DPYD: variants seen among roughly 807,000 people sequenced by gnomAD.
DPYD encodes dihydropyrimidine dehydrogenase.
Under a neutral mutation model 116.2 loss-of-function variants are expected in DPYD, and 109 were observed. The ratio of observed to expected loss-of-function variants is 0.94; its 90% CI spans 0.80 to 1.10. The LOEUF is 1.10. DPYD is among the 50% of genes least tolerant of loss of function. DPYD has a pLI of 0.00. For missense variants in DPYD, 1,302 were observed against 1,254.5 expected (o/e 1.04, Z -0.57); for synonymous variants, 440 against 432.0 (o/e 1.02, Z -0.23).
At chr1:97,559,716 A>C (rs1374273629) in intron 11 of DPYD, among the ~76,000 whole-genome samples, 1 of 152,130 alleles carries the variant, frequency 6.6e-6, no homozygotes, top group Non-Finnish European at 1.5e-5. Context: ...AATTTTGTTT[A>C]AACAATTTTA....
chr1:97,826,199 C>G (rs1291736080), intron 3 of DPYD, among the ~76,000 whole-genome samples: 1 of 152,156 alleles, frequency 6.6e-6, no homozygotes, highest in Non-Finnish European at 1.5e-5. Flanking sequence ...CAGTTCATCT[C>G]TAGTTTTTTA....
chr1:97,303,756 T>C (rs974084003), intron 18 of DPYD, among the ~76,000 whole-genome samples: 4 of 152,008 alleles, frequency 2.6e-5, no homozygotes, highest in Non-Finnish European at 5.9e-5. Flanking sequence ...TTTAAAATGT[T>C]AGGGATTTTT....
chr1:97,710,582 A>T (rs972762416), intron 5 of DPYD, among the ~76,000 whole-genome samples: 6 of 151,958 alleles, frequency 3.9e-5, no homozygotes, highest in Admixed American at 1.3e-4. Flanking sequence ...TTTTCATATT[A>T]TTAAAATAGA....
At chr1:97,410,926 C>T (rs1414528509) in intron 14 of DPYD, among the ~76,000 whole-genome samples, 2 of 152,096 alleles carry the variant, frequency 1.3e-5, no homozygotes, top group Non-Finnish European at 2.9e-5. Context: ...ATGTGTGCCT[C>T]TCTGATTTGA....
intron 21 of DPYD, among the ~76,000 whole-genome samples, chr1:97,088,794 A>C: frequency 6.6e-6 from 1 of 152,170 alleles, no homozygotes; most frequent in East Asian, 1.9e-4. Context: ...CATAAGACTT[A>C]AGGGATTATT....
intron 13 of DPYD, among the ~76,000 whole-genome samples, chr1:97,510,127 A>T (rs1363868896): frequency 6.6e-6 from 1 of 151,906 alleles, no homozygotes; most frequent in East Asian, 1.9e-4. Flanking sequence ...AAAAAAAAAA[A>T]AACTCAGAGG....
rs899763084 is a variant in DPYD, at chr1:97,107,482, T to A, written c.2623-8850A>T. On this transcript the variant is annotated intron_variant, in intron 20 of 22. Transcript: ENST00000370192. ...TGGGGAAAATCAATTTCCTCAAAAA[T>A]GGCTGAGAGGGGATTATAAATTTAA... Among the ~76,000 whole-genome samples, 5 of 151,988 alleles carry A rather than the reference T, an allele frequency of 3.3e-5. No individual in the cohort carries two copies. The East Asian group carries it at 7.7e-4, about 23-fold the overall frequency.
intron 13 of DPYD, among the ~76,000 whole-genome samples, chr1:97,457,966 C>T (rs1676785384): frequency 1.3e-5 from 2 of 152,120 alleles, no homozygotes; most frequent in Admixed American, 1.3e-4. Flanking sequence ...AATCAACAGA[C>T]AGACTGATTA....
At chr1:97,735,340 A>G (rs1663864798) in intron 4 of DPYD, among the ~76,000 whole-genome samples, 1 of 152,114 alleles carries the variant, frequency 6.6e-6, no homozygotes, top group African/African-American at 2.4e-5. Context: ...GACTTTTAAT[A>G]GTAAAATTGA....
chr1:97,689,059 A>G (rs1660879359), intron 7 of DPYD, among the ~76,000 whole-genome samples: 1 of 151,424 alleles, frequency 6.6e-6, no homozygotes, highest in South Asian at 2.1e-4. Context: ...AATTCCATGT[A>G]TTATACCTCT....
At position 97,699,569 on chromosome 1, in the gene DPYD, T is replaced by C; in HGVS notation, c.484-22A>G. The C allele has an allele frequency of 6.2e-6, 10 of 1,611,982 alleles. No individual in the cohort carries two copies. The South Asian group carries it at 6.6e-5, about 11-fold the overall frequency. On this transcript the variant is annotated intron_variant, in intron 5 of 22. Transcript: ENST00000370192. ...ATACCTACGGGGAAATCAATTGTCATGGTTAAAATTTTGAAACTAGCTTAC... is the reference window on the plus strand; with the variant it reads ...ATACCTACGGGGAAATCAATTGTCACGGTTAAAATTTTGAAACTAGCTTAC...
At chr1:97,103,384 G>A (rs1416542698) in intron 20 of DPYD, among the ~76,000 whole-genome samples, 3 of 152,074 alleles carry the variant, frequency 2.0e-5, no homozygotes, top group Non-Finnish European at 2.9e-5. Context: ...AGTAAGCAAT[G>A]TTTCATGATA....
At chr1:97,443,658 C>T (rs551962740) in intron 14 of DPYD, among the ~76,000 whole-genome samples, 19 of 152,330 alleles carry the variant, frequency 1.2e-4, no homozygotes, top group African/African-American at 4.1e-4. Flanking sequence ...TTCATGCTCT[C>T]GACGTTCTTT....
At position 97,450,108 on chromosome 1, in the gene DPYD, G is replaced by GCTT; in HGVS notation, c.1855_1856insAAG (p.Ala618_Ala619insGlu). 1.9e-6 allele frequency: 3 copies of GCTT among 1,613,956 alleles called. No homozygotes were observed. Among genetic ancestry groups the GCTT allele is most frequent in the Non-Finnish European group, 2.5e-6 (3 of 1,179,902 alleles). On this transcript the variant is annotated inframe_insertion, in exon 14 of 23. Coordinates refer to ENST00000370192, the MANE Select transcript of DPYD (RefSeq NM_000110.4). Reference sequence around the variant, plus strand: ...TTCAGTGACACTTTGACACCAATATGCAGCCGTTTTCTCACTGATGAGCTC... The same window carrying GCTT: ...TTCAGTGACACTTTGACACCAATATGCTTCAGCCGTTTTCTCACTGATGAGCTC...
At chr1:97,869,255 C>T (rs947477139) in intron 2 of DPYD, among the ~76,000 whole-genome samples, 2 of 151,806 alleles carry the variant, frequency 1.3e-5, no homozygotes, top group African/African-American at 4.8e-5. Context: ...ACAAAGAAAG[C>T]TTCAAGGGTC....
At chr1:97,278,030 G>A (rs1292480363) in intron 18 of DPYD, among the ~76,000 whole-genome samples, 2 of 152,130 alleles carry the variant, frequency 1.3e-5, no homozygotes, top group South Asian at 2.1e-4. Flanking sequence ...GTTTGTGATT[G>A]CCTAGTTCAC....
chr1:97,245,878 C>T (rs997069782), intron 18 of DPYD, among the ~76,000 whole-genome samples: 3 of 152,136 alleles, frequency 2.0e-5, no homozygotes, highest in African/African-American at 7.2e-5. Context: ...TAAAACCATT[C>T]CTTTCACTCT....
At chr1:97,823,393 C>T (rs1380223701) in intron 3 of DPYD, among the ~76,000 whole-genome samples, 1 of 152,006 alleles carries the variant, frequency 6.6e-6, no homozygotes, top group Non-Finnish European at 1.5e-5. Context: ...TGTGACAACA[C>T]TCCAAATTTT....
At chr1:97,591,598 T>C (rs1430695199) in intron 10 of DPYD, among the ~76,000 whole-genome samples, 1 of 152,218 alleles carries the variant, frequency 6.6e-6, no homozygotes, top group East Asian at 1.9e-4. Flanking sequence ...CCAGTGACCC[T>C]TGCAAATGGA....
Sources: allele counts gnomAD v4.1 joint callset (sites outside exome capture counted in the v4.1 genomes callset), GRCh38; gene constraint gnomAD v4.1.1; transcripts MANE v1.5; gene names NCBI Gene and HGNC (gene_info 2026-07-23, HGNC 2026-07-21).